Variants in N4BP1 observed in about 807,000 individuals in gnomAD.
The protein encoded by N4BP1 is NEDD4-binding protein 1.
In N4BP1, 21 loss-of-function variants were observed where a neutral mutation model predicts 70.9. The ratio of observed to expected loss-of-function variants is 0.30; its 90% CI spans 0.21 to 0.43. N4BP1 has a LOEUF of 0.43. N4BP1 is among the 20% of genes least tolerant of loss of function. The pLI is 1.00. For missense variants in N4BP1, 936 were observed against 1,069.4 expected (o/e 0.88, Z 1.74); for synonymous variants, 387 against 394.6 (o/e 0.98, Z 0.23).
intron 5 of N4BP1, among the ~76,000 whole-genome samples, chr16:48,547,730 T>G (rs1202271820): frequency 6.6e-6 from 1 of 152,192 alleles, no homozygotes; most frequent in Non-Finnish European, 1.5e-5. Context: ...TCCTGCTTCA[T>G]GCAACAAAAC....
intron 4 of N4BP1, among the ~76,000 whole-genome samples, chr16:48,550,198 G>A (rs1024480743): frequency 1.3e-5 from 2 of 152,128 alleles, no homozygotes; most frequent in Non-Finnish European, 2.9e-5. Flanking sequence ...TTTGGTTAGT[G>A]CTCAATAAAG....
intron 1 of N4BP1, among the ~76,000 whole-genome samples, chr16:48,606,216 C>G (rs894497448): frequency 1.3e-5 from 2 of 152,120 alleles, no homozygotes; most frequent in Non-Finnish European, 2.9e-5. Flanking sequence ...TGGCTTAAAA[C>G]CGACCCCTAA....
intron 1 of N4BP1, among the ~76,000 whole-genome samples, chr16:48,584,875 A>C (rs749198116): frequency 5.3e-5 from 8 of 152,244 alleles, no homozygotes; most frequent in Non-Finnish European, 1.0e-4. Flanking sequence ...TATTATTTTA[A>C]TACTAATTTA....
At position 48,541,809 on chromosome 16, in the gene N4BP1, G is replaced by C. The variant is rs575398383; in HGVS notation, c.*1095C>G. ...AATTCTGAGAAAGACTCACAGGAAAGGCTGTTTAGGAGGACACTAGAGACA... is the reference window on the plus strand; with the variant it reads ...AATTCTGAGAAAGACTCACAGGAAACGCTGTTTAGGAGGACACTAGAGACA... On this transcript the variant is annotated 3_prime_UTR_variant, in exon 7 of 7. Coordinates refer to ENST00000262384, the MANE Select transcript of N4BP1 (RefSeq NM_153029.4). 1 of 152,770 alleles carries C rather than the reference G, an allele frequency of 6.5e-6. No individual in the cohort carries two copies. Among genetic ancestry groups the C allele is most frequent in the Non-Finnish European group, 1.5e-5 (1 of 68,036 alleles). 9.5% of individuals were successfully genotyped at this position (152,770 alleles called of 1,614,324 possible).
chr16:48,602,134 G>C (rs1471911070), intron 1 of N4BP1, among the ~76,000 whole-genome samples: 1 of 152,144 alleles, frequency 6.6e-6, no homozygotes, highest in Non-Finnish European at 1.5e-5. Context: ...TGAGGTGGGA[G>C]AATCACTTGA....
Position 48,561,941 on chromosome 16 carries a change from T to C in N4BP1, c.702A>G (p.Glu234=), listed in dbSNP as rs1253058195. Residue 234 remains glutamate, a synonymous_variant, in exon 2 of 7, where the codon GAA becomes GAG. Transcript: ENST00000262384. ...NISRDETVLQ[E]EARNKAGTPV... ...GAGTCCCAGCTTTATTTCTTGCCTCTTCCTGCAAAACAGTTTCATCTCTAG... is the reference window on the plus strand; with the variant it reads ...GAGTCCCAGCTTTATTTCTTGCCTCCTCCTGCAAAACAGTTTCATCTCTAG... 2 of 1,613,890 alleles carry C rather than the reference T, an allele frequency of 1.2e-6. No individual in the cohort carries two copies. The highest frequency in any genetic ancestry group is 3.3e-5 in the Admixed American group (2 of 59,980).
intron 1 of N4BP1, among the ~76,000 whole-genome samples, chr16:48,608,937 G>C (rs1964629527): frequency 6.6e-6 from 1 of 151,694 alleles, no homozygotes; most frequent in Non-Finnish European, 1.5e-5. Context: ...TTAAATATCC[G>C]GCCGGGGTGG....
At chr16:48,569,466 C>T (rs1963986075) in intron 1 of N4BP1, among the ~76,000 whole-genome samples, 1 of 152,154 alleles carries the variant, frequency 6.6e-6, no homozygotes, top group South Asian at 2.1e-4. Flanking sequence ...CATCATAGCT[C>T]ACTGCAGCCT....
intron 1 of N4BP1, chr16:48,600,664 A>T (rs1291712266): frequency 3.9e-5 from 19 of 487,344 alleles, no homozygotes; most frequent in South Asian, 2.4e-4. Flanking sequence ...AATCTCTGTA[A>T]CCATTTCTTT....
At chr16:48,560,637 C>T (rs1963840197) in intron 2 of N4BP1, 117 bp downstream of exon 2, 1 of 1,360,884 alleles carries the variant, frequency 7.3e-7, no homozygotes. Context: ...CCATCCGACC[C>T]TAAGGCTACA....
intron 1 of N4BP1, among the ~76,000 whole-genome samples, chr16:48,584,490 T>C (rs1048648050): frequency 1.3e-5 from 2 of 152,230 alleles, no homozygotes; most frequent in African/African-American, 4.8e-5. Flanking sequence ...AAACAATCTC[T>C]ACTCTAGTTG....
At chr16:48,575,952 C>A (rs1267661359) in intron 1 of N4BP1, among the ~76,000 whole-genome samples, 1 of 152,052 alleles carries the variant, frequency 6.6e-6, no homozygotes, top group African/African-American at 2.4e-5. Context: ...ACTACACATG[C>A]AAGGAAACTC....
intron 1 of N4BP1, among the ~76,000 whole-genome samples, chr16:48,597,458 T>C (rs891803804): frequency 2.6e-5 from 4 of 152,164 alleles, no homozygotes; most frequent in Non-Finnish European, 5.9e-5. Context: ...CACCGAAAAT[T>C]TGCATCCCTA....
intron 2 of N4BP1, among the ~76,000 whole-genome samples, chr16:48,558,078 T>C (rs1052251576): frequency 2.6e-5 from 4 of 152,134 alleles, no homozygotes; most frequent in African/African-American, 7.2e-5. Context: ...TCCAAAATGT[T>C]TGTCACTCCA....
Position 48,560,909 on chromosome 16 carries a change from C to T in N4BP1, c.1734G>A (p.Arg578=). 6.2e-7 allele frequency: 1 copy of T among 1,613,940 alleles called. No individual in the cohort carries two copies. Among genetic ancestry groups the T allele is most frequent in the South Asian group, 1.1e-5 (1 of 91,086 alleles). Residue 578 remains arginine, a synonymous_variant, in exon 2 of 7, where the codon AGG becomes AGA. Coordinates refer to ENST00000262384, the MANE Select transcript of N4BP1 (RefSeq NM_153029.4). ...PQLLPSVTDA[R]SAGPSDHIDS... Reference sequence around the variant, plus strand: ...CAATATGATCAGAAGGTCCTGCCGACCTTGCATCAGTAACCGAAGGTAACA... The same window carrying T: ...CAATATGATCAGAAGGTCCTGCCGATCTTGCATCAGTAACCGAAGGTAACA...
chr16:48,593,398 A>G lies in N4BP1; in HGVS notation c.198+16377T>C, dbSNP rs190005308. 1.2e-4 allele frequency among the ~76,000 whole-genome samples: 19 copies of G among 152,384 alleles called. No individual in the cohort carries two copies. In the East Asian group the frequency reaches 3.3e-3, roughly 26 times the overall value. Reference sequence around the variant, plus strand: ...TTTTGGTAAAAGATTTTAAGAAGGCATGGGAATATGAATTTCTCACCTAAG... The same window carrying G: ...TTTTGGTAAAAGATTTTAAGAAGGCGTGGGAATATGAATTTCTCACCTAAG... On this transcript the variant is annotated intron_variant, in intron 1 of 6. Coordinates refer to ENST00000262384, the MANE Select transcript of N4BP1 (RefSeq NM_153029.4).
intron 1 of N4BP1, among the ~76,000 whole-genome samples, chr16:48,572,701 A>G (rs1351787015): frequency 6.6e-6 from 1 of 152,214 alleles, no homozygotes; most frequent in Non-Finnish European, 1.5e-5. Context: ...GAACCAGTGG[A>G]TTGGAGGAGG....
At chr16:48,594,800 T>C (rs1487531464) in intron 1 of N4BP1, among the ~76,000 whole-genome samples, 1 of 152,236 alleles carries the variant, frequency 6.6e-6, no homozygotes, top group African/African-American at 2.4e-5. Context: ...CCTCACTATA[T>C]GTTATCAATA....
rs949937894 is a variant in N4BP1 at position 48,541,404 on chromosome 16, G to C, written c.*1500C>G. ...CCAGTTCCACATTAGGAGGCATCAC[G>C]GACGCATCTGAGAGGAAACATGATT... On this transcript the variant is annotated 3_prime_UTR_variant, in exon 7 of 7. Coordinates refer to ENST00000262384, the MANE Select transcript of N4BP1 (RefSeq NM_153029.4). 1 of 152,262 alleles carries C rather than the reference G, an allele frequency of 6.6e-6. No homozygotes were observed. The highest frequency in any genetic ancestry group is 1.5e-5 in the Non-Finnish European group (1 of 68,062). The allele number at this position is 152,262 out of a possible 1,614,324, so 9.4% of individuals were successfully genotyped here. A position where few individuals can be genotyped will look rare whatever the true frequency, so the allele number is the denominator to read the frequency against.
Sources: gnomAD v4.1 joint callset for allele counts (sites outside exome capture counted in the v4.1 genomes callset) on GRCh38, gnomAD v4.1.1 for gene constraint, MANE v1.5 for transcripts, NCBI Gene and HGNC (gene_info 2026-07-23, HGNC 2026-07-21) for gene names.